The following TSPAN5 variants were observed in gnomAD, a reference collection of about 807,000 sequenced individuals.
The protein encoded by TSPAN5 is tetraspanin 5.
In TSPAN5, 10 loss-of-function variants were observed where a neutral mutation model predicts 37.1. The ratio of observed to expected loss-of-function variants is 0.27; its 90% CI spans 0.17 to 0.46. The LOEUF (loss-of-function observed/expected upper bound fraction) is 0.46. Among genes scored for constraint, TSPAN5 ranks in the 20% least tolerant of loss-of-function variants. The probability of loss-of-function intolerance (pLI) is 1.00; values close to 1 mark genes in which losing one functional copy is unlikely to be tolerated. For missense variants in TSPAN5, 195 were observed against 326.6 expected (o/e 0.60, Z 3.11); for synonymous variants, 110 against 118.9 (o/e 0.93, Z 0.48).
chr4:98,599,587 A>AC (rs1447045233), intron 1 of TSPAN5, among the ~76,000 whole-genome samples: 1 of 152,116 alleles, frequency 6.6e-6, no homozygotes, highest in Non-Finnish European at 1.5e-5. Flanking sequence ...CCTTGTTAGT[A>AC]CCCCCATGTC....
intron 4 of TSPAN5, 140 bp downstream of exon 4, chr4:98,481,865 T>C: frequency 1.3e-6 from 1 of 798,442 alleles, no homozygotes. Context: ...AGTCGGAAAA[T>C]AATAAACAAA....
chr4:98,569,992 A>C (rs1367248762), intron 1 of TSPAN5, among the ~76,000 whole-genome samples: 1 of 152,330 alleles, frequency 6.6e-6, no homozygotes. Flanking sequence ...CATAGTAAAT[A>C]TAGTAGGTTC....
chr4:98,551,382 A>G (rs1276705041), intron 1 of TSPAN5, among the ~76,000 whole-genome samples: 1 of 147,016 alleles, frequency 6.8e-6, no homozygotes, highest in African/African-American at 2.5e-5. Context: ...CAGGGTTATA[A>G]CTAGCCTTGT....
At chr4:98,568,580 G>C (rs893357120) in intron 1 of TSPAN5, among the ~76,000 whole-genome samples, 3 of 151,566 alleles carry the variant, frequency 2.0e-5, no homozygotes, top group African/African-American at 7.3e-5. Flanking sequence ...AAGAAGTCTG[G>C]ATCACTCAGG....
At chr4:98,484,619 T>C (rs1402904194) in intron 3 of TSPAN5, 1 of 452,880 alleles carries the variant, frequency 2.2e-6, no homozygotes, top group Non-Finnish European at 4.4e-6. Context: ...TGATAAACTA[T>C]ATTAAAGGGG....
intron 1 of TSPAN5, among the ~76,000 whole-genome samples, chr4:98,543,917 C>A (rs928218185): frequency 2.6e-5 from 4 of 151,924 alleles, no homozygotes; most frequent in Admixed American, 6.6e-5. Flanking sequence ...TGGCACACAC[C>A]TGTAATCCCA....
At chr4:98,495,837 A>G (rs1163731865) in intron 2 of TSPAN5, among the ~76,000 whole-genome samples, 1 of 151,774 alleles carries the variant, frequency 6.6e-6, no homozygotes, top group Non-Finnish European at 1.5e-5. Flanking sequence ...CGCAACCCAC[A>G]CAGAAAAGAA....
chr4:98,543,196 T>C (rs576675691), intron 1 of TSPAN5, among the ~76,000 whole-genome samples: 5 of 152,336 alleles, frequency 3.3e-5, no homozygotes, highest in African/African-American at 1.2e-4. Flanking sequence ...ATTGACTCTT[T>C]GAGCTAACTG....
chr4:98,615,748 A>G (rs1370196063), intron 1 of TSPAN5, among the ~76,000 whole-genome samples: 1 of 152,160 alleles, frequency 6.6e-6, no homozygotes, highest in Admixed American at 6.5e-5. Flanking sequence ...TTGTATACAC[A>G]CACACATATT....
chr4:98,529,473 T>C (rs557795922), intron 1 of TSPAN5, among the ~76,000 whole-genome samples: 37 of 146,942 alleles, frequency 2.5e-4, no homozygotes, highest in South Asian at 6.8e-4. Context: ...ATCCTTACAA[T>C]GGAACTGGCA....
chr4:98,582,613 T>A (rs1035045547), intron 1 of TSPAN5, among the ~76,000 whole-genome samples: 5 of 152,164 alleles, frequency 3.3e-5, no homozygotes, highest in Non-Finnish European at 2.9e-5. Context: ...GTCACAAATC[T>A]CGTGGCAAAT....
In TSPAN5 at chr4:98,478,707, G is replaced by C. The variant is rs769012168; in HGVS notation, c.554C>G (p.Ser185Cys). Residue 185 changes from serine to cysteine, a missense_variant, in exon 5 of 8, where the codon TCC (serine) becomes TGC (cysteine). By Grantham distance (112) the Ser-to-Cys change is moderately radical (BLOSUM62 -1). Coordinates refer to ENST00000305798, the MANE Select transcript of TSPAN5 (RefSeq NM_005723.4). ...TACTGCGGGATCTTTAGTGCAGCAGGAGAATGGAACGCCACATCGCTCTCG... is the reference window on the plus strand; with the variant it reads ...TACTGCGGGATCTTTAGTGCAGCAGCAGAATGGAACGCCACATCGCTCTCG... Reference protein sequence around the residue: ...ASRERCGVPFSCCTKDPAEDV... With the variant: ...ASRERCGVPFCCCTKDPAEDV... 1 of 1,614,170 alleles carries C rather than the reference G, an allele frequency of 6.2e-7. No individual in the cohort carries two copies. Among genetic ancestry groups the C allele is most frequent in the Non-Finnish European group, 8.5e-7 (1 of 1,180,032 alleles).
intron 7 of TSPAN5, among the ~76,000 whole-genome samples, chr4:98,473,545 C>T (rs1311794880): frequency 4.6e-5 from 7 of 151,632 alleles, no homozygotes; most frequent in South Asian, 4.2e-4. Flanking sequence ...CTGCAAGCTC[C>T]GCTTCCCGGG....
chr4:98,576,055 C>T (rs184489755), intron 1 of TSPAN5, among the ~76,000 whole-genome samples: 125 of 152,024 alleles, frequency 8.2e-4, no homozygotes, highest in African/African-American at 2.7e-3. Context: ...GTGGACAGAG[C>T]GAGACTCCAT....
chr4:98,582,645 G>A (rs749528480), intron 1 of TSPAN5, among the ~76,000 whole-genome samples: 24 of 152,172 alleles, frequency 1.6e-4, no homozygotes, highest in South Asian at 8.3e-4. Flanking sequence ...ACAATTGTTT[G>A]AGGAGTTCAA....
intron 1 of TSPAN5, among the ~76,000 whole-genome samples, chr4:98,524,612 CA>C (rs1206946374): frequency 2.6e-5 from 4 of 152,012 alleles, no homozygotes; most frequent in South Asian, 2.1e-4. Flanking sequence ...AGATTTCCTC[CA>C]AATCTCCTTT....
At position 98,592,884 on chromosome 4, in the gene TSPAN5, G is replaced by C. The variant is rs1389690601; in HGVS notation, c.81+65262C>G. 3.4e-5 allele frequency among the ~76,000 whole-genome samples: 5 copies of C among 148,458 alleles called. No homozygotes were observed. The East Asian group carries it at 1.0e-3, about 30-fold the overall frequency. On this transcript the variant is annotated intron_variant, in intron 1 of 7. Transcript: ENST00000305798. ...CCAAGACTTTGCTATTGTGAATAGT[G>C]CCGCAATAAACATACGTGTGCATGT...
intron 4 of TSPAN5, among the ~76,000 whole-genome samples, chr4:98,480,551 T>G (rs971759492): frequency 6.6e-6 from 1 of 152,198 alleles, no homozygotes; most frequent in South Asian, 2.1e-4. Flanking sequence ...TCTCAACCAT[T>G]TGAAGACCTT....
intron 1 of TSPAN5, chr4:98,574,671 C>G (rs139293336): frequency 1.3e-5 from 2 of 152,258 alleles, no homozygotes; most frequent in South Asian, 4.1e-4. Flanking sequence ...ACACTTCTTG[C>G]AATCCTGGTT....
Sources: gnomAD v4.1 joint callset for allele counts (sites outside exome capture counted in the v4.1 genomes callset) on GRCh38, gnomAD v4.1.1 for gene constraint, MANE v1.5 for transcripts, NCBI Gene and HGNC (gene_info 2026-07-23, HGNC 2026-07-21) for gene names.